Variants in RFX7 observed in about 807,000 individuals in gnomAD.
RFX7 encodes regulatory factor X7.
A neutral mutation model predicts 111.8 loss-of-function variants in RFX7; 26 were observed. The ratio of observed to expected loss-of-function variants is 0.23; its 90% CI spans 0.17 to 0.32. The LOEUF (loss-of-function observed/expected upper bound fraction) is 0.32. Ranked by LOEUF, RFX7 falls within the 10% of genes least tolerant of loss-of-function variation. The pLI, the probability that RFX7 is intolerant of heterozygous loss-of-function variation, is 1.00. For missense variants in RFX7, 1,573 were observed against 1,772.9 expected (o/e 0.89, Z 2.02); for synonymous variants, 624 against 624.4 (o/e 1.00, Z 0.01).
chr15:56,230,022 A>G (rs1373158533), intron 2 of RFX7, among the ~76,000 whole-genome samples: 1 of 152,182 alleles, frequency 6.6e-6, no homozygotes, highest in African/African-American at 2.4e-5. Context: ...TGCCACCTTC[A>G]GGCTTTGGCC....
At chr15:56,182,736 A>T (rs907131872) in intron 2 of RFX7, among the ~76,000 whole-genome samples, 1 of 152,176 alleles carries the variant, frequency 6.6e-6, no homozygotes, top group East Asian at 1.9e-4. Flanking sequence ...TTATTCATCT[A>T]TTCCTCTACT....
chr15:56,123,161 C>G (rs2140971799), intron 5 of RFX7, among the ~76,000 whole-genome samples: 1 of 152,256 alleles, frequency 6.6e-6, no homozygotes. Context: ...TGTAAATACA[C>G]TGGGTCATAC....
chr15:56,195,679 G>A (rs1394957812), intron 2 of RFX7, among the ~76,000 whole-genome samples: 1 of 152,122 alleles, frequency 6.6e-6, no homozygotes, highest in East Asian at 1.9e-4. Context: ...TTTATCAAAT[G>A]CATTATAAGA....
chr15:56,122,534 G>A (rs1452140275), intron 5 of RFX7, among the ~76,000 whole-genome samples: 1 of 152,148 alleles, frequency 6.6e-6, no homozygotes, highest in Admixed American at 6.5e-5. Context: ...CCACGACAGG[G>A]CTACCATTTA....
chr15:56,211,463 T>G (rs1255409753), intron 2 of RFX7, among the ~76,000 whole-genome samples: 1 of 151,986 alleles, frequency 6.6e-6, no homozygotes, highest in African/African-American at 2.4e-5. Context: ...GAACACAACA[T>G]AGAAGAAAAA....
intron 2 of RFX7, among the ~76,000 whole-genome samples, chr15:56,237,482 C>A (rs1237571569): frequency 6.6e-6 from 1 of 152,170 alleles, no homozygotes; most frequent in Non-Finnish European, 1.5e-5. Context: ...ACAATTTTAG[C>A]ATGCAATATT....
Position 56,218,144 on chromosome 15 carries a change from CTTTTTTTTTTTTT to C in RFX7, c.161+24968_161+24980del, listed in dbSNP as rs869249448. Among the ~76,000 whole-genome samples, 19 of 57,968 alleles carry C rather than the reference CTTTTTTTTTTTTT, an allele frequency of 3.3e-4. No individual in the cohort carries two copies. In the East Asian group the frequency reaches 8.0e-3, roughly 25 times the overall value. 38.0% of individuals were successfully genotyped at this position (57,968 alleles called of 152,430 possible). On this transcript the variant is annotated intron_variant, in intron 2 of 9. Coordinates refer to ENST00000559447, the MANE Select transcript of RFX7 (RefSeq NM_022841.7). Reference sequence around the variant, plus strand: ...TTACAAGTAATTTAGAAATGATTTTCTTTTTTTTTTTTTTTTTTTTTTTTTTTGAGACGGAGTC... The same window carrying C: ...TTACAAGTAATTTAGAAATGATTTTCTTTTTTTTTTTTTTGAGACGGAGTC...
chr15:56,191,484 C>T (rs562042171), intron 2 of RFX7, among the ~76,000 whole-genome samples: 2 of 152,232 alleles, frequency 1.3e-5, no homozygotes, highest in South Asian at 4.1e-4. Flanking sequence ...TAATAAACCA[C>T]CAATGCACAT....
At chr15:56,206,430 G>A (rs1176829929) in intron 2 of RFX7, among the ~76,000 whole-genome samples, 2 of 152,046 alleles carry the variant, frequency 1.3e-5, no homozygotes, top group African/African-American at 4.8e-5. Context: ...CAATCATGAT[G>A]GAGAATAGTT....
intron 5 of RFX7, among the ~76,000 whole-genome samples, chr15:56,114,535 T>C (rs2041982690): frequency 6.6e-6 from 1 of 151,988 alleles, no homozygotes; most frequent in Non-Finnish European, 1.5e-5. Context: ...TATAGTATGT[T>C]GAACAATGAT....
intron 2 of RFX7, among the ~76,000 whole-genome samples, chr15:56,208,558 A>G (rs1307022687): frequency 6.6e-6 from 1 of 152,214 alleles, no homozygotes; most frequent in Non-Finnish European, 1.5e-5. Flanking sequence ...TCAAGAGCAC[A>G]GCAAACAGCA....
At chr15:56,226,869 A>G (rs1355897803) in intron 2 of RFX7, among the ~76,000 whole-genome samples, 2 of 152,176 alleles carry the variant, frequency 1.3e-5, no homozygotes, top group South Asian at 2.1e-4. Context: ...AAAGAAAGGT[A>G]GCACCCAAAA....
intron 2 of RFX7, among the ~76,000 whole-genome samples, chr15:56,241,147 A>G (rs2043685038): frequency 6.6e-6 from 1 of 152,168 alleles, no homozygotes; most frequent in South Asian, 2.1e-4. Context: ...ATAAATTTTC[A>G]TATTTTGGGA....
At chr15:56,161,611 T>C (rs1404595355) in intron 3 of RFX7, among the ~76,000 whole-genome samples, 2 of 152,024 alleles carry the variant, frequency 1.3e-5, no homozygotes, top group Non-Finnish European at 2.9e-5. Flanking sequence ...AATCAAAAGA[T>C]AAATCCGGAA....
intron 5 of RFX7, among the ~76,000 whole-genome samples, chr15:56,141,226 T>C (rs1036067334): frequency 1.3e-5 from 2 of 150,838 alleles, no homozygotes; most frequent in African/African-American, 4.9e-5. Context: ...TGCATGCCCA[T>C]AGTGTTAGCT....
At chr15:56,150,748 G>A (rs1380927096) in intron 3 of RFX7, among the ~76,000 whole-genome samples, 3 of 151,910 alleles carry the variant, frequency 2.0e-5, no homozygotes, top group Non-Finnish European at 4.4e-5. Context: ...GCTTCAGAAG[G>A]TGGGTAATAA....
rs755247175 is a variant in RFX7, at chr15:56,095,279, C to G, written c.2449G>C (p.Glu817Gln). ...CCTTCTAATTCCCAAACAGATTTCT[C>G]TAAGTCATTGATATCAGAGTGCTCA... ...IPEHSDINDLEKSVWELEGMP... is the reference protein window; with the variant it reads ...IPEHSDINDLQKSVWELEGMP... Residue 817 changes from glutamate (E) to glutamine (Q), a missense_variant, in exon 10 of 10, where the codon GAG (glutamate) becomes CAG (glutamine). This residue lies in a region of RFX7 where 625 missense variants were observed against 632.2 expected (regional missense o/e 0.99). Coordinates refer to ENST00000559447, the MANE Select transcript of RFX7 (RefSeq NM_022841.7). 6.2e-7 allele frequency: 1 copy of G among 1,613,948 alleles called. No individual in the cohort carries two copies. The highest frequency in any genetic ancestry group is 8.5e-7 in the Non-Finnish European group (1 of 1,179,860).
At chr15:56,113,115 C>G (rs1307398674) in intron 5 of RFX7, among the ~76,000 whole-genome samples, 3 of 152,130 alleles carry the variant, frequency 2.0e-5, no homozygotes, top group Non-Finnish European at 4.4e-5. Flanking sequence ...GGATCTAGAA[C>G]TAGAAATACC....
intron 3 of RFX7, among the ~76,000 whole-genome samples, chr15:56,147,133 C>T (rs1044212865): frequency 2.0e-5 from 3 of 152,056 alleles, no homozygotes; most frequent in Non-Finnish European, 4.4e-5. Context: ...TGTTGAAATT[C>T]GTTGGTGGTC....
Sources: gnomAD v4.1 joint callset for allele counts (sites outside exome capture counted in the v4.1 genomes callset) on GRCh38, gnomAD v4.1.1 for gene constraint, gnomAD v4.1.1 regional missense constraint, MANE v1.5 for transcripts, NCBI Gene and HGNC (gene_info 2026-07-23, HGNC 2026-07-21) for gene names.